ADAP1: variants seen among roughly 807,000 people sequenced by gnomAD.
ADAP1 encodes the protein arf-GAP with dual PH domain-containing protein 1.
In ADAP1, 31 loss-of-function variants were observed where a neutral mutation model predicts 54.9. The ratio of observed to expected loss-of-function variants is 0.56; its 90% CI spans 0.42 to 0.76. The LOEUF (loss-of-function observed/expected upper bound fraction) is 0.76, where lower values mean the gene tolerates loss of function less well. Ranked by LOEUF, ADAP1 falls within the 30% of genes least tolerant of loss-of-function variation. The pLI is 0.00. For missense variants in ADAP1, 535 were observed against 512.4 expected, an observed-to-expected ratio of 1.04 and a Z score of -0.42; for synonymous variants, 313 against 202.6, an observed-to-expected ratio of 1.55 and a Z score of -4.63.
Position 899,287 on chromosome 7 carries a change from C to T in ADAP1, c.868-26G>A, listed in dbSNP as rs117742034. The stretch of plus-strand genomic sequence containing the variant: ...CTGTGGGTGGGGACCGCACTGGAGG[C>T]GGGGCCATGTCCCTTCCAGCCCCGC... On this transcript the variant is annotated intron_variant, in intron 9 of 10. Coordinates refer to ENST00000265846, the MANE Select transcript of ADAP1 (RefSeq NM_006869.4). 3.2e-3 allele frequency: 5,191 copies of T among 1,611,294 alleles called. 196 individuals carry two copies. In the East Asian group the frequency reaches 0.084, roughly 26 times the overall value.
Position 898,909 on chromosome 7 carries a change from C to T in ADAP1, c.*12G>A. 2.5e-6 allele frequency: 4 copies of T among 1,597,086 alleles called. No individual in the cohort carries two copies. The highest frequency in any genetic ancestry group is 3.3e-4 in the Middle Eastern group (2 of 6,046). On this transcript the variant is annotated 3_prime_UTR_variant, in exon 11 of 11. Transcript: ENST00000265846. The stretch of plus-strand genomic sequence containing the variant: ...AGTGAGTCCAATGTCCGTGGTCCTC[C>T]AGCCGCACTCGCTAAGGTTTATGCT...
chr7:904,086 C>A (rs369166492), intron 6 of ADAP1, 40 bp downstream of exon 6: 3 of 1,606,490 alleles, frequency 1.9e-6, no homozygotes, highest in Admixed American at 1.7e-5. Context: ...AGGGCCCACC[C>A]TCCTGTGCCA....
At position 909,130 on chromosome 7, in the gene ADAP1, C is replaced by G. The variant is rs974207919; in HGVS notation, c.389-3958G>C. ...ACGCCAGCGGGAACCCCGGTCCTCC[C>G]GACAGCAGGCGCCAGCGGGAACCCC... On this transcript the variant is annotated intron_variant, in intron 4 of 10. Coordinates refer to ENST00000265846, the MANE Select transcript of ADAP1 (RefSeq NM_006869.4). Among the ~76,000 whole-genome samples, 10 of 144,226 alleles carry G rather than the reference C, an allele frequency of 6.9e-5. No individual in the cohort carries two copies. The Admixed American group carries it at 7.0e-4, about 10-fold the overall frequency. 94.6% of individuals were successfully genotyped at this position (144,226 alleles called of 152,430 possible).
At chr7:933,592 G>A (rs1401385518) in intron 2 of ADAP1, among the ~76,000 whole-genome samples, 1 of 105,872 alleles carries the variant, frequency 9.4e-6, no homozygotes, top group Non-Finnish European at 1.9e-5. Flanking sequence ...GCCGGGGACC[G>A]GGGTCAGTGG....
intron 1 of ADAP1, among the ~76,000 whole-genome samples, chr7:948,139 C>G (rs1463030147): frequency 6.6e-6 from 1 of 152,020 alleles, no homozygotes; most frequent in African/African-American, 2.4e-5. Context: ...TTCCCGCTCA[C>G]AACCCCCGAG....
chr7:904,313 G>C, intron 5 of ADAP1, 41 bp from the exon 6 acceptor site: 1 of 1,529,710 alleles, frequency 6.5e-7, no homozygotes, highest in Non-Finnish European at 8.8e-7. Flanking sequence ...AGGGGCCGTC[G>C]TCCAAGCTCA....
rs1845447753 is a variant in ADAP1, at chr7:906,739, GAGTACATAGGGGACATGGACA to G, written c.389-1588_389-1568del. 1.8e-3 allele frequency among the ~76,000 whole-genome samples: 52 copies of G among 29,256 alleles called. 2 individuals are homozygous for G. The highest frequency in any genetic ancestry group is 0.012 in the East Asian group (6 of 512). 19.2% of individuals were successfully genotyped at this position (29,256 alleles called of 152,430 possible). ...CATCGGGGACGGGACATGGGGGACA[GAGTACATAGGGGACATGGACA>G]GGGGACATGGGGGACAGGGGACACG... On this transcript the variant is annotated intron_variant, in intron 4 of 10. Coordinates refer to ENST00000265846, the MANE Select transcript of ADAP1 (RefSeq NM_006869.4).
At chr7:905,613 A>AGGAGAAAG (rs1845182038) in intron 4 of ADAP1, 1 of 163,844 alleles carries the variant, frequency 6.1e-6, no homozygotes, top group African/African-American at 2.6e-5. Flanking sequence ...GAAAGGAGAA[A>AGGAGAAAG]GGAGAAAGGG....
At chr7:953,725 C>T (rs1485701131) in intron 1 of ADAP1, among the ~76,000 whole-genome samples, 2 of 152,242 alleles carry the variant, frequency 1.3e-5, no homozygotes, top group African/African-American at 4.8e-5. Flanking sequence ...GACTCCGCGC[C>T]TTTGGACTCC....
At position 900,548 on chromosome 7, in the gene ADAP1, C is replaced by T. The variant is rs751340522; in HGVS notation, c.717G>A (p.Gly239=). ...CGCCACTCACATCTGCGTCGCCGGCCCCTGGGAATGCCACCTGCAGGTAGT... is the reference window on the plus strand; with the variant it reads ...CGCCACTCACATCTGCGTCGCCGGCTCCTGGGAATGCCACCTGCAGGTAGT... ...RFHYLQVAFP[G]AGDADLVPKL... The change falls in exon 7 of 11, where the codon GGG becomes GGA. Residue 239 remains glycine (G), a synonymous_variant. Transcript: ENST00000265846. 1.9e-6 allele frequency: 3 copies of T among 1,610,320 alleles called. No homozygotes were observed. In the South Asian group the frequency reaches 3.3e-5, roughly 18 times the overall value.
chr7:924,699 C>A, intron 3 of ADAP1, among the ~76,000 whole-genome samples: 1 of 151,332 alleles, frequency 6.6e-6, no homozygotes. Flanking sequence ...CACCCAGGAC[C>A]CAACAGCAGC....
chr7:906,216 AAAGG>A (rs1845300158), intron 4 of ADAP1, among the ~76,000 whole-genome samples: 1 of 46,616 alleles, frequency 2.1e-5, no homozygotes, highest in Non-Finnish European at 4.7e-5. Context: ...GAGAAAGGAG[AAAGG>A]GAAAGGAGAA....
chr7:935,512 G>A lies in ADAP1; in HGVS notation c.83-7C>T. The A allele has an allele frequency of 6.4e-7, 1 of 1,561,842 alleles. No individual in the cohort carries two copies. The highest frequency in any genetic ancestry group is 8.7e-7 in the Non-Finnish European group (1 of 1,153,380). On this transcript the variant is annotated splice_polypyrimidine_tract_variant and splice_region_variant and intron_variant, in intron 1 of 10. Transcript: ENST00000265846. ...TAGGAGGCCCAGTCGGGATCTGCAA[G>A]GGAAAGCCGGACGTTCACGGAGGCT...
intron 6 of ADAP1, among the ~76,000 whole-genome samples, chr7:902,237 T>A (rs1844853523): frequency 6.7e-6 from 1 of 150,246 alleles, no homozygotes; most frequent in Non-Finnish European, 1.5e-5. Context: ...GGCAGGTGGA[T>A]CACCTGAGGT....
Position 925,949 on chromosome 7 carries a change from G to A in ADAP1, c.305+604C>T, listed in dbSNP as rs577328245. Among the ~76,000 whole-genome samples, 121 of 152,346 alleles carry A rather than the reference G, an allele frequency of 7.9e-4. 1 individual carries two copies. Among genetic ancestry groups the A allele is most frequent in the African/African-American group, 2.7e-3 (114 of 41,578 alleles). On this transcript the variant is annotated intron_variant, in intron 3 of 10. Transcript: ENST00000265846. ...GTCTTTCCCCTGTGACAGGTACGAG[G>A]GGGTCGGTGCGAACAGTCAGGCTGG...
intron 4 of ADAP1, among the ~76,000 whole-genome samples, chr7:915,976 C>T (rs982615017): frequency 9.9e-5 from 15 of 152,174 alleles, no homozygotes; most frequent in African/African-American, 1.9e-4. Flanking sequence ...CCACTGCCCA[C>T]GAGACACTGT....
At position 904,106 on chromosome 7, in the gene ADAP1, G is replaced by C; in HGVS notation, c.648+20C>G. 1 of 1,610,642 alleles carries C rather than the reference G, an allele frequency of 6.2e-7. No individual in the cohort carries two copies. The highest frequency in any genetic ancestry group is 8.5e-7 in the Non-Finnish European group (1 of 1,179,162). On this transcript the variant is annotated intron_variant, in intron 6 of 10. Coordinates refer to ENST00000265846, the MANE Select transcript of ADAP1 (RefSeq NM_006869.4). The stretch of plus-strand genomic sequence containing the variant: ...CCACCCTCCTGTGCCACCCGGGCCC[G>C]AGTGCTCGCCAGCACCCACCTTCCC...
chr7:902,113 G>A (rs1035614489), intron 6 of ADAP1, among the ~76,000 whole-genome samples: 3 of 151,976 alleles, frequency 2.0e-5, no homozygotes, highest in African/African-American at 4.8e-5. Flanking sequence ...TGGAGGATCA[G>A]GAGTTGGACA....
intron 1 of ADAP1, 119 bp downstream of exon 1, chr7:954,277 G>C (rs1264920733): frequency 2.2e-6 from 2 of 924,624 alleles, no homozygotes; most frequent in Non-Finnish European, 2.6e-6. Context: ...GTTCAGCGCC[G>C]CCACCCCCGC....
Sources: allele counts gnomAD v4.1 joint callset (sites outside exome capture counted in the v4.1 genomes callset), GRCh38; gene constraint gnomAD v4.1.1; transcripts MANE v1.5; gene names NCBI Gene and HGNC (gene_info 2026-07-23, HGNC 2026-07-21).